Variants in SLC17A1 observed in about 807,000 individuals in gnomAD.
The protein encoded by SLC17A1 is sodium-dependent phosphate transport protein 1.
SLC17A1 carries 51 observed loss-of-function variants against 53.5 expected under a neutral mutation model. That is an observed-to-expected ratio of 0.95 (90% CI 0.76 to 1.20). The LOEUF is 1.20. Ranked by LOEUF, SLC17A1 falls within the 50% of genes most tolerant of loss-of-function variation. SLC17A1 has a pLI of 0.00. For missense variants in SLC17A1, 538 were observed against 568.2 expected, an observed-to-expected ratio of 0.95 and a Z score of 0.54; for synonymous variants, 179 against 198.8, an observed-to-expected ratio of 0.90 and a Z score of 0.84.
intron 3 of SLC17A1, among the ~76,000 whole-genome samples, chr6:25,822,995 G>T (rs1764618130): frequency 1.3e-5 from 2 of 151,824 alleles, no homozygotes; most frequent in Non-Finnish European, 2.9e-5. Context: ...TCTGCTGCCT[G>T]TCGCTGTAAC....
At position 25,811,378 on chromosome 6, in the gene SLC17A1, A is replaced by C. The variant is rs779314432; in HGVS notation, c.1178+20T>G. Reference sequence around the variant, plus strand: ...ATTTATTTGTTAAAGGTTAAAAAAAAGCGTATAAACAAATCCTACCTGGGA... The same window carrying C: ...ATTTATTTGTTAAAGGTTAAAAAAACGCGTATAAACAAATCCTACCTGGGA... On this transcript the variant is annotated intron_variant, in intron 10 of 12. Coordinates refer to ENST00000244527, the MANE Select transcript of SLC17A1 (RefSeq NM_005074.5). 8.3e-5 allele frequency: 132 copies of C among 1,583,862 alleles called. No individual in the cohort carries two copies. The highest frequency in any genetic ancestry group is 2.1e-5 in the Non-Finnish European group (24 of 1,163,840).
At chr6:25,826,426 T>G in intron 3 of SLC17A1, 35 bp downstream of exon 3, 5 of 1,535,352 alleles carry the variant, frequency 3.3e-6, no homozygotes, top group Non-Finnish European at 4.4e-6. Flanking sequence ...GACAGGCTTT[T>G]AAACATTTGA....
chr6:25,761,091 C>T, the SLC17A1 span, among the ~76,000 whole-genome samples: 3 of 152,074 alleles, frequency 2.0e-5, no homozygotes, highest in Non-Finnish European at 4.4e-5. Flanking sequence ...ATTCTTTGGT[C>T]AGTTTTTTAG....
intron 10 of SLC17A1, among the ~76,000 whole-genome samples, chr6:25,806,111 A>G (rs1763944710): frequency 6.6e-6 from 1 of 152,122 alleles, no homozygotes; most frequent in African/African-American, 2.4e-5. Context: ...TGATGAACAT[A>G]GATGAAAAAT....
the SLC17A1 span, chr6:25,776,913 T>G: frequency 6.2e-7 from 1 of 1,613,772 alleles, no homozygotes; most frequent in South Asian, 1.1e-5. Context: ...CATCAGCAGC[T>G]TCTGTGAATC....
At position 25,811,436 on chromosome 6, in the gene SLC17A1, C is replaced by A; in HGVS notation, c.1140G>T (p.Leu380Phe). 1 of 1,613,798 alleles carries A rather than the reference C, an allele frequency of 6.2e-7. No individual in the cohort carries two copies. Among genetic ancestry groups the A allele is most frequent in the African/African-American group, 1.3e-5 (1 of 74,982 alleles). ...CCAAGCCATTTATAAACACTCCACC[C>A]AAGCAAAAGCTGCCTGTTGCACCAG... is the stretch of plus-strand genomic sequence containing the variant. ...ILAGATGSFC[L>F]GGVFINGLDI... is the part of the protein sequence containing the mutation. Residue 380 changes from leucine (L) to phenylalanine (F), a missense_variant, in exon 10 of 13, where the codon TTG (leucine) becomes TTT (phenylalanine). Coordinates refer to ENST00000244527, the MANE Select transcript of SLC17A1 (RefSeq NM_005074.5).
chr6:25,724,883 G>C, the SLC17A1 span, among the ~76,000 whole-genome samples: 1 of 11,204 alleles, frequency 8.9e-5, no homozygotes, highest in Non-Finnish European at 4.3e-4. Context: ...TATGTATGCA[G>C]GTTAATTCAT....
rs2151512791 is a variant in SLC17A1, at chr6:25,831,284, T to C, written c.-50-677A>G. 2.0e-5 allele frequency among the ~76,000 whole-genome samples: 3 copies of C among 152,304 alleles called. No individual in the cohort carries two copies. In the Middle Eastern group the frequency reaches 0.01, roughly 518 times the overall value. On this transcript the variant is annotated intron_variant, in intron 1 of 12. Coordinates refer to ENST00000244527, the MANE Select transcript of SLC17A1 (RefSeq NM_005074.5). Reference sequence around the variant, plus strand: ...ATCAGAATTCAGCACCAATATGTGCTGGTCAGGTTAGACCTCAGGATTTTA... The same window carrying C: ...ATCAGAATTCAGCACCAATATGTGCCGGTCAGGTTAGACCTCAGGATTTTA...
At chr6:25,761,256 G>A in the SLC17A1 span, among the ~76,000 whole-genome samples, 6 of 152,168 alleles carry the variant, frequency 3.9e-5, no homozygotes, top group African/African-American at 1.4e-4. Flanking sequence ...TGTTGAAAGG[G>A]GAAGAGCCTC....
At chr6:25,727,065 GAC>G in the SLC17A1 span, 2 of 1,614,126 alleles carry the variant, frequency 1.2e-6, no homozygotes, top group African/African-American at 2.7e-5. Context: ...GGTCCATCCG[GAC>G]ACTGGCATCT....
chr6:25,820,328 C>T (rs532720802), intron 3 of SLC17A1, among the ~76,000 whole-genome samples: 3 of 152,268 alleles, frequency 2.0e-5, no homozygotes, highest in East Asian at 1.9e-4. Context: ...TCTCTAACTC[C>T]TCCATTAATT....
intron 10 of SLC17A1, among the ~76,000 whole-genome samples, chr6:25,802,089 T>G (rs1763795302): frequency 6.6e-6 from 1 of 152,204 alleles, no homozygotes; most frequent in Non-Finnish European, 1.5e-5. Flanking sequence ...GTGAGCCCTT[T>G]CCACTTTTGC....
At chr6:25,797,566 G>A (rs1339739875) in intron 12 of SLC17A1, among the ~76,000 whole-genome samples, 1 of 150,402 alleles carries the variant, frequency 6.6e-6, no homozygotes, top group Non-Finnish European at 1.5e-5. Context: ...AATCTGTTAT[G>A]TCATTTAAGT....
At chr6:25,740,473 C>G in the SLC17A1 span, among the ~76,000 whole-genome samples, 1 of 152,012 alleles carries the variant, frequency 6.6e-6, no homozygotes, top group Non-Finnish European at 1.5e-5. Flanking sequence ...GACTGAACTT[C>G]TAATTTCATT....
chr6:25,786,353 A>G (rs558159106), intron 12 of SLC17A1, among the ~76,000 whole-genome samples: 2 of 152,282 alleles, frequency 1.3e-5, no homozygotes, highest in African/African-American at 4.8e-5. Context: ...GGCTTTCCTG[A>G]GGAATCTGGG....
At chr6:25,830,672 G>T in intron 1 of SLC17A1, 65 bp from the exon 2 acceptor site, 1 of 1,043,064 alleles carries the variant, frequency 9.6e-7, no homozygotes. Flanking sequence ...ACACTACCCA[G>T]TACTCCTCTC....
At chr6:25,794,417 T>C (rs946840122) in intron 12 of SLC17A1, among the ~76,000 whole-genome samples, 2 of 152,188 alleles carry the variant, frequency 1.3e-5, no homozygotes, top group African/African-American at 4.8e-5. Context: ...ATCCTCTGCA[T>C]TATATTCTGA....
the SLC17A1 span, chr6:25,732,762 A>G: frequency 1.9e-6 from 2 of 1,035,094 alleles, no homozygotes; most frequent in East Asian, 7.3e-5. Context: ...GTTTTGCCCA[A>G]CATCCAAGCT....
At chr6:25,761,953 G>C in the SLC17A1 span, 2 of 1,611,456 alleles carry the variant, frequency 1.2e-6, no homozygotes, top group African/African-American at 1.3e-5. Flanking sequence ...CCTAGGAAGA[G>C]AGAACCAAAA....
Sources: allele counts gnomAD v4.1 joint callset (sites outside exome capture counted in the v4.1 genomes callset), GRCh38; gene constraint gnomAD v4.1.1; transcripts MANE v1.5; gene names NCBI Gene and HGNC (gene_info 2026-07-23, HGNC 2026-07-21).